HS2ST1: variants seen among roughly 807,000 people sequenced by gnomAD.
The protein encoded by HS2ST1 is heparan sulfate 2-O-sulfotransferase 1.
In HS2ST1, 18 loss-of-function variants were observed where a neutral mutation model predicts 42.9. That is an observed-to-expected ratio of 0.42 (90% CI 0.29 to 0.62). The LOEUF is 0.62. Among genes scored for constraint, HS2ST1 ranks in the 20% least tolerant of loss-of-function variants. The pLI is 0.21. For missense variants in HS2ST1, 334 were observed against 433.8 expected, an observed-to-expected ratio of 0.77 and a Z score of 2.04; for synonymous variants, 146 against 152.9, an observed-to-expected ratio of 0.95 and a Z score of 0.33.
intron 1 of HS2ST1, among the ~76,000 whole-genome samples, chr1:86,964,004 G>A (rs1267048169): frequency 1.9e-4 from 29 of 150,460 alleles, no homozygotes; most frequent in African/African-American, 6.3e-4. Flanking sequence ...CAGACAGGGC[G>A]GCCGGGCAGA....
At chr1:86,991,912 T>G (rs1450690269) in intron 1 of HS2ST1, among the ~76,000 whole-genome samples, 2 of 152,168 alleles carry the variant, frequency 1.3e-5, no homozygotes, top group African/African-American at 4.8e-5. Flanking sequence ...TAAATATACT[T>G]TAAGCCAAGG....
chr1:87,008,517 G>A (rs893938802), intron 1 of HS2ST1, among the ~76,000 whole-genome samples: 1 of 152,188 alleles, frequency 6.6e-6, no homozygotes, highest in Non-Finnish European at 1.5e-5. Context: ...ATTTGCTTCA[G>A]TATCAGTTAT....
At chr1:86,930,524 C>T (rs1028046006) in intron 1 of HS2ST1, among the ~76,000 whole-genome samples, 1 of 151,872 alleles carries the variant, frequency 6.6e-6, no homozygotes, top group Non-Finnish European at 1.5e-5. Context: ...AAAACTTAAG[C>T]ATACGTTAGT....
chr1:87,060,283 CT>C (rs1157781775), intron 1 of HS2ST1, among the ~76,000 whole-genome samples: 1 of 152,096 alleles, frequency 6.6e-6, no homozygotes, highest in Non-Finnish European at 1.5e-5. Context: ...TTGCAAAATG[CT>C]TTTGCAATCC....
Position 87,014,101 on chromosome 1 carries a change from C to T in HS2ST1, c.125-58833C>T, listed in dbSNP as rs117857975. Among the ~76,000 whole-genome samples, 128 of 152,328 alleles carry T rather than the reference C, an allele frequency of 8.4e-4. 3 individuals are homozygous for T. In the East Asian group the frequency reaches 0.018, roughly 21 times the overall value. ...TTACCCACTTTCAAAGTAGCTTCCA[C>T]ATTTGTGGGTATCTTTACAACAGCA... is the stretch of plus-strand genomic sequence containing the variant. On this transcript the variant is annotated intron_variant, in intron 1 of 6. Coordinates refer to ENST00000370550, the MANE Select transcript of HS2ST1 (RefSeq NM_012262.4).
At chr1:86,992,683 A>G (rs146436186) in intron 1 of HS2ST1, among the ~76,000 whole-genome samples, 216 of 152,248 alleles carry the variant, frequency 1.4e-3, no homozygotes, top group South Asian at 3.7e-3. Flanking sequence ...TCTTTTATGC[A>G]CCGTATAGGG....
At chr1:86,926,463 T>G (rs1660424628) in intron 1 of HS2ST1, among the ~76,000 whole-genome samples, 1 of 151,408 alleles carries the variant, frequency 6.6e-6, no homozygotes, top group African/African-American at 2.5e-5. Context: ...GCCTAGAAAC[T>G]CTCTCAGGCA....
At chr1:87,101,149 GTTTTTTGTTTTT>G (rs1352171870) in intron 5 of HS2ST1, among the ~76,000 whole-genome samples, 66 of 59,554 alleles carry the variant, frequency 1.1e-3, no homozygotes, top group Non-Finnish European at 1.6e-3. Context: ...GTGTGTGTGT[GTTTTTTGTTTTT>G]TTTTTTTTTT....
At chr1:87,015,997 A>G (rs1294375385) in intron 1 of HS2ST1, among the ~76,000 whole-genome samples, 1 of 151,632 alleles carries the variant, frequency 6.6e-6, no homozygotes, top group African/African-American at 2.4e-5. Flanking sequence ...TTATATTTTT[A>G]GTAGAGACGG....
chr1:87,028,875 C>T (rs1484928146), intron 1 of HS2ST1, among the ~76,000 whole-genome samples: 2 of 152,058 alleles, frequency 1.3e-5, no homozygotes, highest in African/African-American at 4.8e-5. Context: ...AGTATAGTTT[C>T]TGATTTTTGT....
At chr1:87,045,922 G>T in intron 1 of HS2ST1, 1 of 701,302 alleles carries the variant, frequency 1.4e-6, no homozygotes, top group South Asian at 1.4e-5. Flanking sequence ...CTCCCACGTC[G>T]ACCTGATTGA....
At chr1:86,941,258 T>C (rs143062268) in intron 1 of HS2ST1, among the ~76,000 whole-genome samples, 177 of 152,276 alleles carry the variant, frequency 1.2e-3, no homozygotes, top group African/African-American at 4.1e-3. Flanking sequence ...CTCTGAAGTA[T>C]CTGGATTTGT....
At chr1:86,922,264 G>A (rs1446098721) in intron 1 of HS2ST1, among the ~76,000 whole-genome samples, 1 of 149,696 alleles carries the variant, frequency 6.7e-6, no homozygotes. Flanking sequence ...CTTTTTTCTG[G>A]GTTCTTGCTA....
intron 1 of HS2ST1, among the ~76,000 whole-genome samples, chr1:86,975,279 C>CTT (rs74502539): frequency 2.2e-5 from 3 of 139,012 alleles, no homozygotes; most frequent in African/African-American, 5.3e-5. Context: ...ATAGCTTTTT[C>CTT]TTTTTTTTTT....
intron 1 of HS2ST1, among the ~76,000 whole-genome samples, chr1:87,020,347 T>G (rs1369324514): frequency 6.6e-6 from 1 of 152,170 alleles, no homozygotes; most frequent in African/African-American, 2.4e-5. Flanking sequence ...AAATGCATCT[T>G]TCATGTCTGA....
chr1:87,088,114 C>G (rs1369617228), intron 3 of HS2ST1, among the ~76,000 whole-genome samples: 8 of 152,016 alleles, frequency 5.3e-5, no homozygotes, highest in Non-Finnish European at 1.2e-4. Context: ...CTTTCAGTTA[C>G]CATATTGTCT....
chr1:86,945,874 C>T (rs796344014), intron 1 of HS2ST1, among the ~76,000 whole-genome samples: 4 of 152,160 alleles, frequency 2.6e-5, no homozygotes, highest in African/African-American at 9.6e-5. Context: ...TTTGAGACCA[C>T]CCTGGGCAGC....
At chr1:86,946,649 C>A (rs1051708157) in intron 1 of HS2ST1, among the ~76,000 whole-genome samples, 2 of 152,180 alleles carry the variant, frequency 1.3e-5, no homozygotes, top group African/African-American at 2.4e-5. Context: ...TTAAGAGCAT[C>A]TTTAATCAGT....
Position 86,914,692 on chromosome 1 carries a change from A to C in HS2ST1, c.-345A>C. 3.8e-6 allele frequency: 1 copy of C among 265,976 alleles called. No homozygotes were observed. The highest frequency in any genetic ancestry group is 7.3e-6 in the Non-Finnish European group (1 of 137,864). The allele number at this position is 265,976 out of a possible 1,614,324, so 16.5% of individuals were successfully genotyped here. A position where few individuals can be genotyped will look rare whatever the true frequency, so the allele number is the denominator to read the frequency against. On this transcript the variant is annotated 5_prime_UTR_variant, in exon 1 of 7. Transcript: ENST00000370550. ...CGCGAGCAAAGGAGGGAGGGAAGGAAGGAAGAGAGGGAGGCGGGCAAGCAG... is the reference window on the plus strand; with the variant it reads ...CGCGAGCAAAGGAGGGAGGGAAGGACGGAAGAGAGGGAGGCGGGCAAGCAG...
Sources: gnomAD v4.1 joint callset for allele counts (sites outside exome capture counted in the v4.1 genomes callset) on GRCh38, gnomAD v4.1.1 for gene constraint, MANE v1.5 for transcripts, NCBI Gene and HGNC (gene_info 2026-07-23, HGNC 2026-07-21) for gene names.